The following PKHD1L1 variants were observed in gnomAD, a reference collection of about 807,000 sequenced individuals.
PKHD1L1 encodes the protein PKHD1 like 1.
PKHD1L1 carries 434 observed loss-of-function variants against 462.9 expected under a neutral mutation model. That is an observed-to-expected ratio of 0.94 (90% CI 0.87 to 1.02). PKHD1L1 has a LOEUF of 1.02. Ranked by LOEUF, PKHD1L1 falls within the 50% of genes least tolerant of loss-of-function variation. The pLI, the probability that PKHD1L1 is intolerant of heterozygous loss-of-function variation, is 0.00. For synonymous variants in PKHD1L1, 1,781 were observed against 1,750.0 expected (o/e 1.02, Z -0.44); for missense variants, 5,202 against 5,096.1 (o/e 1.02, Z -0.63).
intron 2 of PKHD1L1, among the ~76,000 whole-genome samples, chr8:109,376,939 G>T (rs1322320642): frequency 6.6e-6 from 1 of 152,162 alleles, no homozygotes; most frequent in African/African-American, 2.4e-5. Context: ...ACTGGCACCT[G>T]CCACGTAGCT....
intron 54 of PKHD1L1, 116 bp from the exon 55 acceptor site, chr8:109,479,875 A>G (rs1313104428): frequency 1.9e-6 from 2 of 1,039,550 alleles, no homozygotes; most frequent in Admixed American, 3.2e-5. Flanking sequence ...CAGGTATTAT[A>G]TGAAAAGACA....
Position 109,522,313 on chromosome 8 carries a change from C to T in PKHD1L1, c.12159C>T (p.Ser4053=), listed in dbSNP as rs1185077565. The part of the protein sequence containing the change: ...SSMSITNPLP[S]PSDSGWIKVT... ...TGTCTATTACTAATCCCCTCCCCAGCCCAAGTGACTCTGGGTGGATTAAGG... is the reference window on the plus strand; with the variant it reads ...TGTCTATTACTAATCCCCTCCCCAGTCCAAGTGACTCTGGGTGGATTAAGG... The change falls in exon 74 of 78, where the codon AGC becomes AGT. Residue 4053 remains serine, a synonymous_variant. Coordinates refer to ENST00000378402, the MANE Select transcript of PKHD1L1 (RefSeq NM_177531.6). 6.2e-7 allele frequency: 1 copy of T among 1,604,294 alleles called. No individual in the cohort carries two copies. The highest frequency in any genetic ancestry group is 8.5e-7 in the Non-Finnish European group (1 of 1,175,570).
In PKHD1L1 at chr8:109,518,435, G is replaced by A. The variant is rs369362762; in HGVS notation, c.11958G>A (p.Lys3986=). The A allele has an allele frequency of 1.9e-6, 3 of 1,611,484 alleles. No individual in the cohort carries two copies. Among genetic ancestry groups the A allele is most frequent in the African/African-American group, 2.7e-5 (2 of 74,896 alleles). Residue 3986 remains lysine, a synonymous_variant, in exon 73 of 78, where the codon AAG becomes AAA. Transcript: ENST00000378402. Reference sequence around the variant, plus strand: ...TAAGAGGGAAGAGTCTGAGGAGGAAGAGATCCATGGGATTCATAATTGAAA... The same window carrying A: ...TAAGAGGGAAGAGTCTGAGGAGGAAAAGATCCATGGGATTCATAATTGAAA... ...SKIRGKSLRR[K]RSMGFIIEIE...
chr8:109,513,769 A>C (rs954485510), intron 71 of PKHD1L1, among the ~76,000 whole-genome samples: 2 of 152,044 alleles, frequency 1.3e-5, no homozygotes, highest in Admixed American at 1.3e-4. Context: ...CATCCAACCC[A>C]TCTGCAAGTT....
At chr8:109,515,389 T>C (rs1820217071) in intron 72 of PKHD1L1, 84 bp downstream of exon 72, 3 of 1,121,504 alleles carry the variant, frequency 2.7e-6, no homozygotes, top group Non-Finnish European at 2.4e-6. Context: ...GTATTTTTAA[T>C]TCCTTATCTA....
Position 109,507,802 on chromosome 8 carries a change from C to A in PKHD1L1, c.11134C>A (p.Gln3712Lys). ...AGAATATGAATGGGACGGAAACAGC[C>A]AAGTAGGAATTGGAGACTACAGAAT... ...QAEYEWDGNS[Q>K]VGIGDYRIPK... Residue 3712 changes from glutamine to lysine, a missense_variant, in exon 69 of 78, where the codon CAA (glutamine) becomes AAA (lysine). Around this residue, in one of 3 missense-constraint regions of PKHD1L1, gnomAD observed 698 missense variants for 736.3 expected, o/e 0.95. Coordinates refer to ENST00000378402, the MANE Select transcript of PKHD1L1 (RefSeq NM_177531.6). 6.2e-7 allele frequency: 1 copy of A among 1,613,378 alleles called. No individual in the cohort carries two copies.
In PKHD1L1 at chr8:109,445,239, A is replaced by G. The variant is rs755328761; in HGVS notation, c.5370A>G (p.Ala1790=). Reference sequence around the variant, plus strand: ...TCATTGGAAATCAACAGTTCAGAGCAATAGAGGTTAATGAAAACAACATCA... The same window carrying G: ...TCATTGGAAATCAACAGTTCAGAGCGATAGAGGTTAATGAAAACAACATCA... ...AVFIGNQQFR[A]IEVNENNITA... is the part of the protein sequence containing the mutation. The change falls in exon 38 of 78, where the codon GCA becomes GCG. Residue 1790 remains alanine, a synonymous_variant. Coordinates refer to ENST00000378402, the MANE Select transcript of PKHD1L1 (RefSeq NM_177531.6). 5.0e-6 allele frequency: 8 copies of G among 1,613,900 alleles called. No homozygotes were observed. In the African/African-American group the frequency reaches 9.3e-5, roughly 19 times the overall value.
intron 2 of PKHD1L1, among the ~76,000 whole-genome samples, chr8:109,369,066 G>A (rs926981080): frequency 1.3e-5 from 2 of 151,400 alleles, no homozygotes; most frequent in South Asian, 2.1e-4. Flanking sequence ...TGCAACCTCC[G>A]CCTCCTGGGT....
intron 2 of PKHD1L1, among the ~76,000 whole-genome samples, chr8:109,372,175 T>G (rs1163265356): frequency 6.6e-6 from 1 of 152,204 alleles, no homozygotes; most frequent in East Asian, 1.9e-4. Context: ...CCTCTTTTAT[T>G]TCATTGAGCA....
At chr8:109,433,480 A>T (rs1181196830) in intron 28 of PKHD1L1, among the ~76,000 whole-genome samples, 1 of 151,886 alleles carries the variant, frequency 6.6e-6, no homozygotes, top group Non-Finnish European at 1.5e-5. Flanking sequence ...CTTCATTTGG[A>T]GGTTACATGA....
At chr8:109,443,614 T>C in intron 36 of PKHD1L1, 62 bp from the exon 37 acceptor site, 2 of 1,291,422 alleles carry the variant, frequency 1.5e-6, no homozygotes, top group Admixed American at 2.6e-5. Flanking sequence ...TAACGCAGTT[T>C]GAAAACAGTT....
chr8:109,456,132 G>A (rs1176091661), intron 45 of PKHD1L1, 130 bp from the exon 46 acceptor site: 7 of 896,586 alleles, frequency 7.8e-6, no homozygotes, highest in Middle Eastern at 2.3e-4. Context: ...TTGGAGAAAT[G>A]TGTGAAATGC....
At chr8:109,491,291 T>C (rs1818813047) in intron 61 of PKHD1L1, among the ~76,000 whole-genome samples, 190 bp downstream of exon 61, 1 of 151,842 alleles carries the variant, frequency 6.6e-6, no homozygotes, top group African/African-American at 2.4e-5. Context: ...GGAGCTGAAT[T>C]ATGACTGAGG....
At position 109,485,116 on chromosome 8, in the gene PKHD1L1, A is replaced by T; in HGVS notation, c.9649A>T (p.Ile3217Phe). The T allele has an allele frequency of 6.9e-6, 11 of 1,600,108 alleles. No individual in the cohort carries two copies. Among genetic ancestry groups the T allele is most frequent in the Non-Finnish European group, 9.4e-6 (11 of 1,172,386 alleles). ...GACAGAAACAAGAAGTATCGTTAAAATCCTGCATGATCATAAAATTCTCAT... is the reference window on the plus strand; with the variant it reads ...GACAGAAACAAGAAGTATCGTTAAATTCCTGCATGATCATAAAATTCTCAT... ...HQTETRSIVK[I>F]LHDHKILILN... The change falls in exon 58 of 78, where the codon ATC becomes TTC. Residue 3217 changes from isoleucine to phenylalanine, a missense_variant. Ile to Phe is a conservative substitution (Grantham distance 21). Around this residue, in one of 3 missense-constraint regions of PKHD1L1, gnomAD observed 4,497 missense variants for 4,336.8 expected, o/e 1.04. Coordinates refer to ENST00000378402, the MANE Select transcript of PKHD1L1 (RefSeq NM_177531.6).
chr8:109,406,156 A>T (rs1045793624), intron 16 of PKHD1L1, among the ~76,000 whole-genome samples, 179 bp from the exon 17 acceptor site: 2 of 152,344 alleles, frequency 1.3e-5, no homozygotes, highest in Admixed American at 1.3e-4. Flanking sequence ...TTAATTAAAT[A>T]GTCAATATTA....
intron 67 of PKHD1L1, among the ~76,000 whole-genome samples, chr8:109,500,794 C>T (rs1258123890): frequency 2.0e-5 from 3 of 151,682 alleles, no homozygotes; most frequent in African/African-American, 7.3e-5. Context: ...CATGTGAGTG[C>T]ATCCTGCCTT....
intron 5 of PKHD1L1, among the ~76,000 whole-genome samples, chr8:109,384,709 G>A (rs934926517): frequency 3.3e-5 from 5 of 150,706 alleles, no homozygotes; most frequent in African/African-American, 4.9e-5. Context: ...AACAGAGAAT[G>A]TATAACCTTG....
At chr8:109,388,616 A>G (rs1812553619) in intron 7 of PKHD1L1, 66 bp downstream of exon 7, 2 of 1,087,272 alleles carry the variant, frequency 1.8e-6, no homozygotes, top group East Asian at 2.6e-5. Flanking sequence ...AAATTTAAAT[A>G]GTAATTGCTA....
chr8:109,510,181 G>A (rs191704718), intron 70 of PKHD1L1, among the ~76,000 whole-genome samples: 4 of 152,174 alleles, frequency 2.6e-5, no homozygotes, highest in East Asian at 1.9e-4. Context: ...TTGATTAGAC[G>A]AATGTGTTTG....
Sources: gnomAD v4.1 joint callset for allele counts (sites outside exome capture counted in the v4.1 genomes callset) on GRCh38, gnomAD v4.1.1 for gene constraint, gnomAD v4.1.1 regional missense constraint, MANE v1.5 for transcripts, NCBI Gene and HGNC (gene_info 2026-07-23, HGNC 2026-07-21) for gene names.